The following TYW3 variants were observed in gnomAD, a reference collection of about 807,000 sequenced individuals.
TYW3 encodes the protein tRNA-yW synthesizing protein 3 homolog.
TYW3 carries 26 observed loss-of-function variants against 23.1 expected under a neutral mutation model. That is an observed-to-expected ratio of 1.13 (90% CI 0.83 to 1.56). The LOEUF is 1.56. Ranked by LOEUF, TYW3 falls within the 40% of genes most tolerant of loss-of-function variation. The pLI, the probability that TYW3 is intolerant of heterozygous loss-of-function variation, is 0.00. For synonymous variants in TYW3, 102 were observed against 105.7 expected (o/e 0.97, Z 0.21); for missense variants, 316 against 311.9 (o/e 1.01, Z -0.10).
In TYW3 at chr1:74,766,199, G is replaced by A. The variant is rs1396275624; in HGVS notation, c.*2086G>A. The A allele has an allele frequency of 6.6e-6, 1 of 152,056 alleles. No homozygotes were observed. The highest frequency in any genetic ancestry group is 1.5e-5 in the Non-Finnish European group (1 of 68,004). The allele number at this position is 152,056 out of a possible 1,614,324, so 9.4% of individuals were successfully genotyped here. On this transcript the variant is annotated 3_prime_UTR_variant, in exon 6 of 6. Coordinates refer to ENST00000370867, the MANE Select transcript of TYW3 (RefSeq NM_138467.3). ...TATGTACAGTGCATACATAATACTT[G>A]ATAATATGTTACTGGTTTGTGTCTT...
At chr1:74,746,544 GT>G (rs1648572304) in intron 3 of TYW3, among the ~76,000 whole-genome samples, 2 of 152,338 alleles carry the variant, frequency 1.3e-5, no homozygotes, top group South Asian at 4.1e-4. Flanking sequence ...GCTAATTGAA[GT>G]GGACTTAGAG....
At chr1:74,752,239 T>G in intron 4 of TYW3, 53 bp from the exon 5 acceptor site, 3 of 1,528,948 alleles carry the variant, frequency 2.0e-6, no homozygotes, top group Non-Finnish European at 2.6e-6. Flanking sequence ...TTGAGTTATT[T>G]TCAGTTTCTG....
intron 5 of TYW3, among the ~76,000 whole-genome samples, chr1:74,755,334 C>T (rs1227117821): frequency 6.6e-6 from 1 of 152,210 alleles, no homozygotes. Flanking sequence ...TAAACACTAA[C>T]TCTCGATTCC....
At chr1:74,742,471 G>T (rs182611521) in intron 3 of TYW3, among the ~76,000 whole-genome samples, 1 of 152,110 alleles carries the variant, frequency 6.6e-6, no homozygotes. Context: ...ACTCTGTTTC[G>T]GTTGGGGAAT....
chr1:74,743,533 C>T (rs779375433), intron 3 of TYW3, among the ~76,000 whole-genome samples: 10 of 152,102 alleles, frequency 6.6e-5, no homozygotes, highest in Non-Finnish European at 1.2e-4. Context: ...CATAGCCGCT[C>T]GAGGAAGGCA....
At position 74,755,581 on chromosome 1, in the gene TYW3, T is replaced by A. The variant is rs563555292; in HGVS notation, c.560+3156T>A. Reference sequence around the variant, plus strand: ...TTTTGTTTATTCATTGATGTGTCAATGGACATTTAAGGTGTCTTTCCCTTT... The same window carrying A: ...TTTTGTTTATTCATTGATGTGTCAAAGGACATTTAAGGTGTCTTTCCCTTT... On this transcript the variant is annotated intron_variant, in intron 5 of 5. Coordinates refer to ENST00000370867, the MANE Select transcript of TYW3 (RefSeq NM_138467.3). Among the ~76,000 whole-genome samples, 15 of 152,378 alleles carry A rather than the reference T, an allele frequency of 9.8e-5. No homozygotes were observed. In the South Asian group the frequency reaches 3.1e-3, roughly 32 times the overall value.
chr1:74,746,922 G>C (rs1271068677), intron 3 of TYW3, among the ~76,000 whole-genome samples: 2 of 152,212 alleles, frequency 1.3e-5, no homozygotes, highest in East Asian at 3.9e-4. Context: ...GAAAAGAGTA[G>C]TCCTGACAGA....
chr1:74,757,186 C>G (rs1648983414), intron 5 of TYW3, among the ~76,000 whole-genome samples: 1 of 152,202 alleles, frequency 6.6e-6, no homozygotes, highest in South Asian at 2.1e-4. Flanking sequence ...CACACAGAGT[C>G]CCTACTCGGG....
At chr1:74,758,443 A>C (rs1445506435) in intron 5 of TYW3, among the ~76,000 whole-genome samples, 1 of 151,870 alleles carries the variant, frequency 6.6e-6, no homozygotes, top group Non-Finnish European at 1.5e-5. Context: ...TCTGATTCTT[A>C]TCATCATTTA....
At chr1:74,742,464 C>G (rs566910279) in intron 3 of TYW3, among the ~76,000 whole-genome samples, 14 of 152,282 alleles carry the variant, frequency 9.2e-5, no homozygotes, top group African/African-American at 3.1e-4. Flanking sequence ...AGTCCCCACT[C>G]TGTTTCGGTT....
intron 1 of TYW3, 54 bp from the exon 2 acceptor site, chr1:74,736,485 CTTA>C (rs1403176442): frequency 1.1e-5 from 15 of 1,307,878 alleles, no homozygotes; most frequent in South Asian, 4.3e-5. Context: ...ATGCATTATG[CTTA>C]TTATTTTTGT....
At chr1:74,755,912 G>A (rs1425786707) in intron 5 of TYW3, among the ~76,000 whole-genome samples, 1 of 152,186 alleles carries the variant, frequency 6.6e-6, no homozygotes, top group Non-Finnish European at 1.5e-5. Context: ...GGAGCTGGAG[G>A]GAGGTAATTG....
chr1:74,742,309 G>A (rs1055995788), intron 3 of TYW3, among the ~76,000 whole-genome samples: 3 of 152,188 alleles, frequency 2.0e-5, no homozygotes, highest in African/African-American at 4.8e-5. Flanking sequence ...ATAGGGATTT[G>A]GCCATTTGAT....
At chr1:74,737,098 T>C (rs1648180684) in intron 2 of TYW3, among the ~76,000 whole-genome samples, 1 of 152,250 alleles carries the variant, frequency 6.6e-6, no homozygotes. Context: ...TCATAAGTTT[T>C]TATCAGCCAG....
At chr1:74,747,660 A>AAAAAG (rs528876384) in intron 3 of TYW3, among the ~76,000 whole-genome samples, 345 of 151,506 alleles carry the variant, frequency 2.3e-3, no homozygotes, top group African/African-American at 7.7e-3. Flanking sequence ...AGAAAAAGAA[A>AAAAAG]AAAAGAAAAG....
At chr1:74,737,775 A>C (rs1417162505) in intron 2 of TYW3, among the ~76,000 whole-genome samples, 1 of 152,146 alleles carries the variant, frequency 6.6e-6, no homozygotes, top group Non-Finnish European at 1.5e-5. Flanking sequence ...CTAGTACCTG[A>C]CTCAAGGTCA....
chr1:74,760,282 A>C (rs1369352962), intron 5 of TYW3, among the ~76,000 whole-genome samples: 3 of 152,196 alleles, frequency 2.0e-5, no homozygotes, highest in African/African-American at 7.2e-5. Flanking sequence ...GAGAAGCAGG[A>C]ATATTTGGTG....
intron 3 of TYW3, among the ~76,000 whole-genome samples, chr1:74,747,478 A>G (rs571315391): frequency 6.6e-6 from 1 of 151,550 alleles, no homozygotes; most frequent in African/African-American, 2.4e-5. Context: ...TCTACTAAAA[A>G]TACAAAAAAT....
At position 74,733,564 on chromosome 1, in the gene TYW3, G is replaced by C. The variant is rs185356982; in HGVS notation, c.174+146G>C. ...CTGTTTCTTTATATGTGAAATTTAG[G>C]GGATTAGATCAGTGCTTCTAAAAGT... On this transcript the variant is annotated intron_variant, in intron 1 of 5. Transcript: ENST00000370867. 1.7e-4 allele frequency: 245 copies of C among 1,436,024 alleles called. 1 individual carries two copies. The African/African-American group carries it at 3.3e-3, about 19-fold the overall frequency. The allele number at this position is 1,436,024 out of a possible 1,614,324, so 89.0% of individuals were successfully genotyped here.
Sources: allele counts gnomAD v4.1 joint callset (sites outside exome capture counted in the v4.1 genomes callset), GRCh38; gene constraint gnomAD v4.1.1; transcripts MANE v1.5; gene names NCBI Gene and HGNC (gene_info 2026-07-23, HGNC 2026-07-21).